Variants in UNC79 observed in about 807,000 individuals in gnomAD.
UNC79 encodes protein unc-79 homolog.
UNC79 carries 37 observed loss-of-function variants against 283.1 expected under a neutral mutation model. That is an observed-to-expected ratio of 0.13 (90% confidence interval 0.10 to 0.17). UNC79 has a LOEUF of 0.17. Among genes scored for constraint, UNC79 ranks in the 10% least tolerant of loss-of-function variants. The pLI is 1.00. For synonymous variants in UNC79, 1,107 were observed against 1,200.2 expected (o/e 0.92, Z 1.61); for missense variants, 2,272 against 3,211.1 (o/e 0.71, Z 7.07).
chr14:93,596,324 G>A (rs1409780868), intron 23 of UNC79, among the ~76,000 whole-genome samples: 1 of 152,130 alleles, frequency 6.6e-6, no homozygotes, highest in East Asian at 1.9e-4. Flanking sequence ...CTCTAAGGAT[G>A]GTAGAATGTC....
At chr14:93,641,015 AC>A (rs1454635319) in intron 32 of UNC79, 129 bp from the exon 36 acceptor site, 7 of 644,096 alleles carry the variant, frequency 1.1e-5, no homozygotes, top group Admixed American at 2.8e-5. Flanking sequence ...TTTCTGCAGT[AC>A]AGTTGGGATG....
intron 7 of UNC79, among the ~76,000 whole-genome samples, chr14:93,519,872 A>G (rs2060241558): frequency 1.3e-5 from 2 of 151,660 alleles, no homozygotes; most frequent in Non-Finnish European, 3.0e-5. Context: ...ACTTCTATAT[A>G]TATTATTAGC....
intron 38 of UNC79, among the ~76,000 whole-genome samples, chr14:93,658,685 G>A (rs2071215175): frequency 6.6e-6 from 1 of 152,174 alleles, no homozygotes; most frequent in African/African-American, 2.4e-5. Context: ...CTTCATAGCA[G>A]AGAAAGGGCA....
intron 23 of UNC79, among the ~76,000 whole-genome samples, chr14:93,595,089 CTGTT>C (rs934742555): frequency 6.2e-5 from 8 of 129,726 alleles, no homozygotes; most frequent in Admixed American, 4.6e-4. Flanking sequence ...TTTTTTTTTT[CTGTT>C]TGTTTGTTTG....
chr14:93,648,236 T>C (rs927034888), intron 35 of UNC79, among the ~76,000 whole-genome samples: 1 of 152,206 alleles, frequency 6.6e-6, no homozygotes, highest in Non-Finnish European at 1.5e-5. Context: ...ACATGAACAC[T>C]TGTTAAGAGA....
chr14:93,665,240 A>C (rs1269890719), intron 40 of UNC79, among the ~76,000 whole-genome samples: 1 of 150,864 alleles, frequency 6.6e-6, no homozygotes, highest in Admixed American at 6.6e-5. Context: ...AAAAGAAAAT[A>C]AACCAGACAG....
At position 93,686,482 on chromosome 14, in the gene UNC79, C is replaced by T. The variant is rs907839758; in HGVS notation, c.6820-90C>T. 5 of 1,379,810 alleles carry T rather than the reference C, an allele frequency of 3.6e-6. No individual in the cohort carries two copies. In the African/African-American group the frequency reaches 4.3e-5, roughly 12 times the overall value. The allele number at this position is 1,379,810 out of a possible 1,614,324, so 85.5% of individuals were successfully genotyped here. ...CAGAAATCCAGAAAGTAAAACGACT[C>T]CTTAGTAAACAACGTGAAACCAGAG... On this transcript the variant is annotated intron_variant, in intron 42 of 48. Transcript: ENST00000555664.
At chr14:93,334,176 T>C (rs2053523725) in intron 1 of UNC79, among the ~76,000 whole-genome samples, 1 of 152,268 alleles carries the variant, frequency 6.6e-6, no homozygotes, top group South Asian at 2.1e-4. Flanking sequence ...ATGCTTTTCA[T>C]ATTCAGTTGG....
At chr14:93,683,370 A>G (rs1019087378) in intron 42 of UNC79, among the ~76,000 whole-genome samples, 4 of 152,124 alleles carry the variant, frequency 2.6e-5, no homozygotes, top group Admixed American at 6.5e-5. Flanking sequence ...AATATGGCCC[A>G]TGGGGTTTTC....
chr14:93,571,782 G>A, intron 14 of UNC79, 112 bp from the exon 15 acceptor site: 1 of 1,116,472 alleles, frequency 9.0e-7, no homozygotes, highest in East Asian at 2.6e-5. Context: ...CTAGGACTCA[G>A]ACATGATGGA....
At position 93,463,627 on chromosome 14, in the gene UNC79, A is replaced by G. The variant is rs533268329; in HGVS notation, c.23-4044A>G. ...CAGGACAAGGAAAGGAGCTGCTAGT[A>G]GGTTTTTGACATCTACTATTTAATA... On this transcript the variant is annotated intron_variant, in intron 1 of 48. Transcript: ENST00000555664. Among the ~76,000 whole-genome samples, 65 of 152,282 alleles carry G rather than the reference A, an allele frequency of 4.3e-4. 1 individual carries two copies. In the South Asian group the frequency reaches 0.01, roughly 24 times the overall value.
At chr14:93,603,863 A>G (rs756011835) in intron 26 of UNC79, among the ~76,000 whole-genome samples, 1 of 152,194 alleles carries the variant, frequency 6.6e-6, no homozygotes, top group Non-Finnish European at 1.5e-5. Flanking sequence ...CAGCCACACA[A>G]GCCCCCTAAG....
chr14:93,372,445 A>G (rs903674737), intron 1 of UNC79, among the ~76,000 whole-genome samples: 1 of 152,238 alleles, frequency 6.6e-6, no homozygotes, highest in Admixed American at 6.5e-5. Flanking sequence ...CTTCAGATAT[A>G]AAGACACGTA....
At chr14:93,375,076 G>A (rs1486979632) in intron 1 of UNC79, among the ~76,000 whole-genome samples, 3 of 152,194 alleles carry the variant, frequency 2.0e-5, no homozygotes, top group African/African-American at 7.2e-5. Context: ...AATTCCCATT[G>A]TGGGAATATT....
chr14:93,419,667 G>C (rs2055548465), intron 1 of UNC79, among the ~76,000 whole-genome samples: 1 of 151,760 alleles, frequency 6.6e-6, no homozygotes, highest in African/African-American at 2.4e-5. Flanking sequence ...GTTGTTATCA[G>C]CTTAAAATAA....
In UNC79 at chr14:93,606,992, G is replaced by A. The variant is rs569486611; in HGVS notation, c.3754+3574G>A. Among the ~76,000 whole-genome samples the A allele has an allele frequency of 3.9e-5, 6 of 152,306 alleles. No homozygotes were observed. In the South Asian group the frequency reaches 1.2e-3, roughly 32 times the overall value. On this transcript the variant is annotated intron_variant, in intron 26 of 48. Coordinates refer to ENST00000555664, the Ensembl canonical transcript of UNC79. ...ACTGTTCTGGGTCTCAAGCCCAGAG[G>A]TCCTGAGCTCTGTAACAAGGCAAGT...
intron 1 of UNC79, among the ~76,000 whole-genome samples, chr14:93,402,744 A>T (rs2055136471): frequency 6.6e-6 from 1 of 152,182 alleles, no homozygotes; most frequent in Non-Finnish European, 1.5e-5. Flanking sequence ...GGGAGGAGAC[A>T]GTAGAGAAGA....
intron 1 of UNC79, among the ~76,000 whole-genome samples, chr14:93,417,936 A>G (rs1210419656): frequency 1.3e-5 from 2 of 151,606 alleles, no homozygotes; most frequent in East Asian, 3.9e-4. Context: ...AATTTTTTTC[A>G]AAGTTTTCGA....
At chr14:93,399,599 A>T (rs1472560798) in intron 1 of UNC79, among the ~76,000 whole-genome samples, 1 of 152,168 alleles carries the variant, frequency 6.6e-6, no homozygotes. Flanking sequence ...GCACTGTGCC[A>T]AGCACTTTAT....
Sources: allele counts gnomAD v4.1 joint callset (sites outside exome capture counted in the v4.1 genomes callset), GRCh38; gene constraint gnomAD v4.1.1; transcripts MANE v1.5; gene names NCBI Gene and HGNC (gene_info 2026-07-23, HGNC 2026-07-21).